The following GNLY variants were observed in gnomAD, a reference collection of about 807,000 sequenced individuals.
GNLY encodes T-cell activation protein 519.
GNLY carries 15 observed loss-of-function variants against 18.5 expected under a neutral mutation model. That is an observed-to-expected ratio of 0.81 (90% CI 0.54 to 1.25). The LOEUF (loss-of-function observed/expected upper bound fraction) is 1.25, where lower values mean the gene tolerates loss of function less well. Among genes scored for constraint, GNLY ranks in the 50% most tolerant of loss-of-function variants. The pLI, the probability that GNLY is intolerant of heterozygous loss-of-function variation, is 0.00. For synonymous variants in GNLY, 77 were observed against 74.9 expected (o/e 1.03, Z -0.14); for missense variants, 178 against 186.9 (o/e 0.95, Z 0.28).
chr2:85,696,621 C>T (rs929635319), intron 3 of GNLY: 1 of 152,188 alleles, frequency 6.6e-6, no homozygotes, highest in Non-Finnish European at 1.5e-5. Context: ...CTCACTGCAA[C>T]CTCTGCCTCC....
Position 85,695,973 on chromosome 2 carries a change from A to G in GNLY, c.172A>G (p.Lys58Glu). The G allele has an allele frequency of 6.2e-7, 1 of 1,608,008 alleles. No individual in the cohort carries two copies. The change falls in exon 3 of 5, where the codon AAA becomes GAA. Residue 58 changes from lysine to glutamate, a missense_variant. Coordinates refer to ENST00000263863, the MANE Select transcript of GNLY (RefSeq NM_006433.5). Reference sequence around the variant, plus strand: ...TTCCTGACAGGGTGACCTGTTGACCAAAACACAGGAGCTGGGCCGTGACTA... The same window carrying G: ...TTCCTGACAGGGTGACCTGTTGACCGAAACACAGGAGCTGGGCCGTGACTA... Reference protein sequence around the residue: ...QEGPQGDLLTKTQELGRDYRT... With the variant: ...QEGPQGDLLTETQELGRDYRT...
At chr2:85,694,517 G>T (rs561344812) in intron 1 of GNLY, 47 bp downstream of exon 1, 4 of 1,560,862 alleles carry the variant, frequency 2.6e-6, no homozygotes, top group Admixed American at 3.4e-5. Context: ...ACCCAGCCTC[G>T]CACTCTCAGG....
intron 4 of GNLY, 117 bp downstream of exon 4, chr2:85,697,794 T>C: frequency 4.3e-6 from 3 of 700,724 alleles, no homozygotes; most frequent in Non-Finnish European, 7.4e-6. Flanking sequence ...GTGTGGAGAA[T>C]TGAGCAGATG....
Position 85,695,380 on chromosome 2 carries a change from A to T in GNLY, c.113A>T (p.Asp38Val), listed in dbSNP as rs1378276547. The change falls in exon 2 of 5, where the codon GAT (aspartate) becomes GTT (valine). Residue 38 changes from aspartate (D) to valine (V), a missense_variant. Physicochemically the swap from Asp to Val is radical, Grantham distance 152. Coordinates refer to ENST00000263863, the MANE Select transcript of GNLY (RefSeq NM_006433.5). ...YYDLARAHLR[D>V]EEKSCPCLAQ... ...GACCTGGCAAGAGCCCACCTGCGTG[A>T]TGAGGAGAAATCCTGCCCGTGCCTG... The T allele has an allele frequency of 1.9e-6, 3 of 1,613,840 alleles. No individual in the cohort carries two copies. Among genetic ancestry groups the T allele is most frequent in the Non-Finnish European group, 2.5e-6 (3 of 1,179,792 alleles).
chr2:85,695,025 A>G, intron 1 of GNLY: 1 of 1,575,192 alleles, frequency 6.3e-7, no homozygotes. Context: ...TTGAAAGGAG[A>G]TTGAGGGAAG....
intron 3 of GNLY, chr2:85,697,278 G>A (rs1281668050): frequency 1.8e-6 from 1 of 540,578 alleles, no homozygotes; most frequent in Non-Finnish European, 3.3e-6. Flanking sequence ...ACCCCAGCAG[G>A]GCTAACTGTC....
At chr2:85,698,480 C>CTTAA in intron 4 of GNLY, 84 bp from the exon 5 acceptor site, 1 of 1,608,596 alleles carries the variant, frequency 6.2e-7, no homozygotes. Flanking sequence ...GCTCTGGGAC[C>CTTAA]TTAAGCAAGT....
intron 3 of GNLY, chr2:85,696,391 A>G (rs1678451892): frequency 3.6e-6 from 1 of 277,480 alleles, no homozygotes; most frequent in South Asian, 5.3e-5. Flanking sequence ...TAGTTCCCCA[A>G]GAGGCCTGGG....
intron 4 of GNLY, 77 bp downstream of exon 4, chr2:85,697,754 C>T (rs1573496135): frequency 2.1e-6 from 2 of 947,988 alleles, no homozygotes; most frequent in Admixed American, 2.2e-5. Context: ...AAAGCTGCCT[C>T]CTTACTCCCC....
chr2:85,694,508 C>G (rs1371704841), intron 1 of GNLY, 38 bp downstream of exon 1: 3 of 1,589,354 alleles, frequency 1.9e-6, no homozygotes, highest in African/African-American at 2.7e-5. Flanking sequence ...TGATGGCCCA[C>G]CCAGCCTCGC....
rs751588471 is a variant in GNLY at position 85,697,560 on chromosome 2, C to A, written c.310C>A (p.Arg104Ser). The change falls in exon 4 of 5, where the codon CGC becomes AGC. Residue 104 changes from arginine to serine, a missense_variant. Coordinates refer to ENST00000263863, the MANE Select transcript of GNLY (RefSeq NM_006433.5). ...GTGTAGGACGGGGAGGTCACGATGGCGCGACGTCTGCAGAAATTTCATGAG... is the reference window on the plus strand; with the variant it reads ...GTGTAGGACGGGGAGGTCACGATGGAGCGACGTCTGCAGAAATTTCATGAG... The part of the protein sequence containing the change: ...RVCRTGRSRW[R>S]DVCRNFMRRY... 1 of 1,612,904 alleles carries A rather than the reference C, an allele frequency of 6.2e-7. No homozygotes were observed. The highest frequency in any genetic ancestry group is 1.1e-5 in the South Asian group (1 of 91,024).
Position 85,698,479 on chromosome 2 carries a change from C to T in GNLY, c.428-85C>T, listed in dbSNP as rs747389545. The T allele has an allele frequency of 1.9e-6, 3 of 1,608,240 alleles. No individual in the cohort carries two copies. The South Asian group carries it at 3.3e-5, about 18-fold the overall frequency. Reference sequence around the variant, plus strand: ...TCAGTAGGGTCAGGTGGCTCTGGGACCTTAAGCAAGTAACATTCTGAGTGC... The same window carrying T: ...TCAGTAGGGTCAGGTGGCTCTGGGATCTTAAGCAAGTAACATTCTGAGTGC... On this transcript the variant is annotated intron_variant, in intron 4 of 4. Coordinates refer to ENST00000263863, the MANE Select transcript of GNLY (RefSeq NM_006433.5).
At chr2:85,696,130 C>T (rs924068284) in intron 3 of GNLY, 74 bp downstream of exon 3, 8 of 796,050 alleles carry the variant, frequency 1.0e-5, no homozygotes, top group Admixed American at 2.2e-5. Flanking sequence ...GGTCGGGGAT[C>T]GGGGAGCCCG....
rs1313573426 is a variant in GNLY, at chr2:85,695,956, A to T, written c.157-2A>T. 6.3e-7 allele frequency: 1 copy of T among 1,582,578 alleles called. No individual in the cohort carries two copies. The highest frequency in any genetic ancestry group is 1.1e-5 in the South Asian group (1 of 90,304). On this transcript the variant is annotated splice_acceptor_variant, in intron 2 of 4. Coordinates refer to ENST00000263863, the MANE Select transcript of GNLY (RefSeq NM_006433.5). LOFTEE classifies it high-confidence loss of function. Reference sequence around the variant, plus strand: ...CATCATAAGGGCTTTCTTTCCTGACAGGGTGACCTGTTGACCAAAACACAG... The same window carrying T: ...CATCATAAGGGCTTTCTTTCCTGACTGGGTGACCTGTTGACCAAAACACAG...
Position 85,694,714 on chromosome 2 carries a change from C to T in GNLY, c.52+244C>T, listed in dbSNP as rs549185354. 3 of 1,434,868 alleles carry T rather than the reference C, an allele frequency of 2.1e-6. No individual in the cohort carries two copies. In the East Asian group the frequency reaches 7.4e-5, roughly 36 times the overall value. 88.9% of individuals were successfully genotyped at this position (1,434,868 alleles called of 1,614,324 possible). On this transcript the variant is annotated intron_variant, in intron 1 of 4. Transcript: ENST00000263863. Reference sequence around the variant, plus strand: ...GGGATTCTGGTCCTAACTCTACTGGCCACACTGTGTGGCCTGAGACCCCCC... The same window carrying T: ...GGGATTCTGGTCCTAACTCTACTGGTCACACTGTGTGGCCTGAGACCCCCC...
rs201961449 is a variant in GNLY at position 85,695,421 on chromosome 2, C to T, written c.154C>T (p.Gln52Ter). ...CCCGTGCCTGGCCCAGGAGGGCCCC[C>T]AGGTACGTGTTGGCTCTCTGCTCAC... ...SCPCLAQEGPQGDLLTKTQEL... is the reference protein window; with the variant it reads ...SCPCLAQEGP Residue 52 changes from glutamine to a stop codon, truncating the protein, a stop_gained and splice_region_variant, in exon 2 of 5, where the codon CAG becomes TAG. Transcript: ENST00000263863. LOFTEE classifies it high-confidence loss of function. The T allele has an allele frequency of 1.3e-6, 2 of 1,586,570 alleles. No homozygotes were observed. Among genetic ancestry groups the T allele is most frequent in the Non-Finnish European group, 1.7e-6 (2 of 1,154,990 alleles).
Position 85,695,551 on chromosome 2 carries a change from C to G in GNLY, c.156+128C>G, listed in dbSNP as rs879577878. 7.6e-6 allele frequency: 5 copies of G among 659,856 alleles called. 1 individual carries two copies. The highest frequency in any genetic ancestry group is 6.8e-5 in the South Asian group (4 of 58,548). The allele number at this position is 659,856 out of a possible 1,614,324, so 40.9% of individuals were successfully genotyped here. A position where few individuals can be genotyped will look rare whatever the true frequency, so the allele number is the denominator to read the frequency against. On this transcript the variant is annotated intron_variant, in intron 2 of 4. Transcript: ENST00000263863. ...GGAGTGGAGGCTGGGCTGTTTCTGA[C>G]GATGCTGGTTTTGTTGAATTCATGT...
intron 4 of GNLY, 106 bp downstream of exon 4, chr2:85,697,783 AGTG>A: frequency 1.3e-6 from 1 of 757,370 alleles, no homozygotes; most frequent in Non-Finnish European, 2.2e-6. Flanking sequence ...AGCTTGGGAA[AGTG>A]TGGAGAATTG....
Position 85,694,401 on chromosome 2 carries a change from C to G in GNLY, c.-18C>G, listed in dbSNP as rs1245293877. ...CCATAAAACAGGGTGTGAAAGGCAT[C>G]TCAGCGGCTGCCCCACCATGGCTAC... On this transcript the variant is annotated 5_prime_UTR_variant, in exon 1 of 5. In the 5' UTR this introduces an upstream ATG that the reference lacks. Transcript: ENST00000263863. The G allele has an allele frequency of 6.2e-7, 1 of 1,613,652 alleles. No homozygotes were observed. The highest frequency in any genetic ancestry group is 8.5e-7 in the Non-Finnish European group (1 of 1,179,580).
Sources: gnomAD v4.1 joint callset for allele counts on GRCh38, gnomAD v4.1.1 for gene constraint, MANE v1.5 for transcripts, NCBI Gene and HGNC (gene_info 2026-07-23, HGNC 2026-07-21) for gene names.